Variants in FMN2 observed in about 807,000 individuals in gnomAD.
The protein encoded by FMN2 is formin-2.
Under a neutral mutation model 142.3 loss-of-function variants are expected in FMN2, and 51 were observed. The ratio of observed to expected loss-of-function variants is 0.36; its 90% CI spans 0.29 to 0.45. The LOEUF (loss-of-function observed/expected upper bound fraction) is 0.45, where lower values mean the gene tolerates loss of function less well. FMN2 is among the 20% of genes least tolerant of loss of function. The pLI is 1.00. For missense variants in FMN2, 1,936 were observed against 2,122.8 expected, an observed-to-expected ratio of 0.91 and a Z score of 1.73; for synonymous variants, 882 against 869.8, an observed-to-expected ratio of 1.01 and a Z score of -0.25.
intron 2 of FMN2, among the ~76,000 whole-genome samples, chr1:240,127,869 A>T (rs1662576730): frequency 6.6e-6 from 1 of 152,174 alleles, no homozygotes; most frequent in African/African-American, 2.4e-5. Flanking sequence ...TTAGTTCTAG[A>T]TGGTGGCTGT....
At chr1:240,390,958 C>T (rs1673584105) in intron 14 of FMN2, among the ~76,000 whole-genome samples, 1 of 152,146 alleles carries the variant, frequency 6.6e-6, no homozygotes, top group Admixed American at 6.6e-5. Flanking sequence ...AAATAGTATG[C>T]ATTGTAGTGC....
chr1:240,263,575 C>T (rs1011376342), intron 7 of FMN2, among the ~76,000 whole-genome samples: 2 of 152,178 alleles, frequency 1.3e-5, no homozygotes, highest in South Asian at 4.1e-4. Context: ...ATTAAAGCCT[C>T]GGTTGTTGAT....
At chr1:240,472,306 A>T (rs1439662498) in intron 16 of FMN2, 66 bp from the exon 17 acceptor site, 1 of 1,133,450 alleles carries the variant, frequency 8.8e-7, no homozygotes, top group African/African-American at 1.6e-5. Flanking sequence ...TTGCTCACTT[A>T]CTATAAGGTA....
At chr1:240,280,289 T>A (rs1182020144) in intron 7 of FMN2, among the ~76,000 whole-genome samples, 6 of 152,148 alleles carry the variant, frequency 3.9e-5, no homozygotes, top group African/African-American at 1.4e-4. Context: ...ATTATAATCA[T>A]TGTGTTTATA....
At chr1:240,222,014 A>ATTTTTTT (rs71170722) in intron 6 of FMN2, among the ~76,000 whole-genome samples, 2 of 129,744 alleles carry the variant, frequency 1.5e-5, no homozygotes, top group African/African-American at 2.9e-5. Flanking sequence ...CACCCAGCTA[A>ATTTTTTT]TTTTTTTTTT....
chr1:240,387,548 A>C (rs1048469056), intron 14 of FMN2, among the ~76,000 whole-genome samples: 1 of 152,230 alleles, frequency 6.6e-6, no homozygotes, highest in South Asian at 2.1e-4. Context: ...TTCTATGCCA[A>C]TTAAAACAAC....
Position 240,184,928 on chromosome 1 carries a change from A to ACTTTCTCCCTCCTATACCTTCCCCCTTCT in FMN2, c.1931-3255_1931-3254insCTTCTCTTTCTCCCTCCTATACCTTCCCC, listed in dbSNP as rs1558344780. Among the ~76,000 whole-genome samples, 91 of 83,172 alleles carry ACTTTCTCCCTCCTATACCTTCCCCCTTCT rather than the reference A, an allele frequency of 1.1e-3. 12 individuals are homozygous for ACTTTCTCCCTCCTATACCTTCCCCCTTCT. Among genetic ancestry groups the ACTTTCTCCCTCCTATACCTTCCCCCTTCT allele is most frequent in the Admixed American group, 2.8e-3 (19 of 6,854 alleles). 54.6% of individuals were successfully genotyped at this position (83,172 alleles called of 152,430 possible). ...TTTCGCCATTTTTCATGTTCCCTTT[A>ACTTTCTCCCTCCTATACCTTCCCCCTTCT]CTTTCTCCCTCCTATACCTTCCCCT... On this transcript the variant is annotated intron_variant, in intron 3 of 17. Transcript: ENST00000319653.
At chr1:240,418,864 T>C (rs1224413741) in intron 15 of FMN2, among the ~76,000 whole-genome samples, 1 of 152,176 alleles carries the variant, frequency 6.6e-6, no homozygotes, top group African/African-American at 2.4e-5. Flanking sequence ...TCCAGCACTT[T>C]GGGAGGCCGA....
intron 6 of FMN2, among the ~76,000 whole-genome samples, chr1:240,252,928 C>A (rs1323911637): frequency 8.0e-6 from 1 of 124,782 alleles, no homozygotes; most frequent in Non-Finnish European, 1.7e-5. Context: ...TTTATGGTGT[C>A]CCATGTGTGA....
chr1:240,132,834 G>A (rs866800459), intron 2 of FMN2, among the ~76,000 whole-genome samples: 1 of 152,184 alleles, frequency 6.6e-6, no homozygotes, highest in Non-Finnish European at 1.5e-5. Context: ...TTCAGTCATC[G>A]TTTGGCTTGG....
chr1:240,145,447 G>T (rs1472485890), intron 2 of FMN2: 1 of 332,238 alleles, frequency 3.0e-6, no homozygotes, highest in African/African-American at 2.1e-5. Context: ...ATATTATAGG[G>T]GAAAAACTTT....
intron 2 of FMN2, chr1:240,145,235 T>C: frequency 6.8e-7 from 1 of 1,471,824 alleles, no homozygotes. Flanking sequence ...TTTATCTTCC[T>C]CAGACAGCTC....
intron 15 of FMN2, among the ~76,000 whole-genome samples, chr1:240,417,827 A>G (rs944864749): frequency 6.6e-6 from 1 of 152,182 alleles, no homozygotes; most frequent in Non-Finnish European, 1.5e-5. Context: ...CATCATTACT[A>G]ATTTGTAGAA....
At chr1:240,379,480 C>T (rs1347179729) in intron 14 of FMN2, among the ~76,000 whole-genome samples, 1 of 152,158 alleles carries the variant, frequency 6.6e-6, no homozygotes, top group Non-Finnish European at 1.5e-5. Flanking sequence ...TGTTCCTCAT[C>T]TTTTAGTCAT....
intron 2 of FMN2, among the ~76,000 whole-genome samples, chr1:240,126,228 G>T (rs992673306): frequency 6.6e-6 from 1 of 152,044 alleles, no homozygotes; most frequent in African/African-American, 2.4e-5. Context: ...AGAAATTTTC[G>T]ATAATTAGTA....
At chr1:240,329,491 C>A in intron 10 of FMN2, 23 bp downstream of exon 10, 2 of 1,607,180 alleles carry the variant, frequency 1.2e-6, no homozygotes, top group Non-Finnish European at 1.7e-6. Flanking sequence ...CCAAAGAGAG[C>A]TGAACTTGAG....
At chr1:240,294,374 CA>C (rs1224003238) in intron 7 of FMN2, among the ~76,000 whole-genome samples, 1 of 152,164 alleles carries the variant, frequency 6.6e-6, no homozygotes, top group Non-Finnish European at 1.5e-5. Flanking sequence ...GAAATGCCCC[CA>C]TCATTTTTAT....
At chr1:240,290,362 G>T (rs1468973676) in intron 7 of FMN2, among the ~76,000 whole-genome samples, 1 of 152,104 alleles carries the variant, frequency 6.6e-6, no homozygotes, top group Admixed American at 6.6e-5. Flanking sequence ...CGTACCGGAG[G>T]AGTTCATGAT....
intron 8 of FMN2, among the ~76,000 whole-genome samples, chr1:240,309,948 A>C (rs981288545): frequency 6.6e-6 from 1 of 152,158 alleles, no homozygotes; most frequent in Non-Finnish European, 1.5e-5. Context: ...CTAGAAACAA[A>C]AAGTGACATG....
Sources: allele counts gnomAD v4.1 joint callset (sites outside exome capture counted in the v4.1 genomes callset), GRCh38; gene constraint gnomAD v4.1.1; transcripts MANE v1.5; gene names NCBI Gene and HGNC (gene_info 2026-07-23, HGNC 2026-07-21).